Variants in IL1RAPL1 observed in about 807,000 individuals in gnomAD.
IL1RAPL1 encodes the protein interleukin-1 receptor accessory protein-like 1.
A neutral mutation model predicts 48.4 loss-of-function variants in IL1RAPL1; 3 were observed. The ratio of observed to expected loss-of-function variants is 0.06; its 90% CI spans 0.03 to 0.16. The LOEUF (loss-of-function observed/expected upper bound fraction) is 0.16, where lower values mean the gene tolerates loss of function less well. Among genes scored for constraint, IL1RAPL1 ranks in the 10% least tolerant of loss-of-function variants. IL1RAPL1 has a pLI of 1.00. For missense variants in IL1RAPL1, 349 were observed against 530.6 expected, an observed-to-expected ratio of 0.66 and a Z score of 3.36; for synonymous variants, 185 against 187.7, an observed-to-expected ratio of 0.99 and a Z score of 0.12.
chrX:28,765,937 A>G (rs1028673205), intron 1 of IL1RAPL1, among the ~76,000 whole-genome samples: 2 of 111,853 alleles, frequency 1.8e-5, no homozygotes, highest in Admixed American at 9.6e-5. Flanking sequence ...CATGTAGGCA[A>G]AACTTTCCCC....
intron 1 of IL1RAPL1, among the ~76,000 whole-genome samples, chrX:28,742,344 A>G (rs1704890653): frequency 8.9e-6 from 1 of 111,802 alleles, no homozygotes; most frequent in South Asian, 3.7e-4. Context: ...TAAGGAGACA[A>G]TATATCTGCA....
At chrX:29,407,535 T>G (rs751495705) in intron 5 of IL1RAPL1, among the ~76,000 whole-genome samples, 13 of 112,083 alleles carry the variant, frequency 1.2e-4, no homozygotes, top group Non-Finnish European at 1.7e-4. Flanking sequence ...CATTAGGGCT[T>G]GTTGTAATTT....
chrX:29,251,202 C>T (rs756433443), intron 2 of IL1RAPL1, among the ~76,000 whole-genome samples: 2 of 113,988 alleles, frequency 1.8e-5, no homozygotes, highest in South Asian at 3.4e-4. Context: ...TATAATAGTA[C>T]GTCAGTGTAT....
At chrX:29,478,331 T>C (rs746765158) in intron 5 of IL1RAPL1, among the ~76,000 whole-genome samples, 76 of 112,042 alleles carry the variant, frequency 6.8e-4, no homozygotes, top group Middle Eastern at 4.6e-3. Flanking sequence ...CGTGAACCCA[T>C]GAGCAAATCC....
intron 2 of IL1RAPL1, among the ~76,000 whole-genome samples, chrX:29,167,002 C>T (rs193093160): frequency 4.2e-3 from 467 of 112,034 alleles, no homozygotes; most frequent in African/African-American, 0.014. Flanking sequence ...CACCTAACAC[C>T]GTGCAGTCCT....
intron 2 of IL1RAPL1, among the ~76,000 whole-genome samples, chrX:29,172,664 T>C (rs1929932294): frequency 8.9e-6 from 1 of 111,824 alleles, no homozygotes; most frequent in Non-Finnish European, 1.9e-5. Context: ...TTTAATACCA[T>C]ACATTAGTGT....
intron 5 of IL1RAPL1, among the ~76,000 whole-genome samples, chrX:29,614,780 A>T (rs1011767699): frequency 1.3e-4 from 15 of 111,906 alleles, no homozygotes; most frequent in African/African-American, 4.2e-4. Context: ...AAAAAACAAA[A>T]TACAGTATGT....
intron 6 of IL1RAPL1, among the ~76,000 whole-genome samples, chrX:29,673,317 T>G (rs1860310226): frequency 8.9e-6 from 1 of 111,973 alleles, no homozygotes; most frequent in Non-Finnish European, 1.9e-5. Flanking sequence ...CATGTAATAC[T>G]GTTGAGTCTA....
rs149495009 is a variant in IL1RAPL1, at chrX:29,911,644, A to G, written c.779-5820A>G. On this transcript the variant is annotated intron_variant, in intron 6 of 10. Transcript: ENST00000378993. ...CAATGGAGGTGCATATCAGAACTTT[A>G]CTCACTCATCAGTGATGTAAATGAG... Among the ~76,000 whole-genome samples the G allele has an allele frequency of 4.0e-3, 444 of 112,272 alleles. 2 individuals are homozygous for G. Among genetic ancestry groups the G allele is most frequent in the African/African-American group, 0.012 (378 of 30,955 alleles).
chrX:28,773,928 G>A (rs955184943), intron 1 of IL1RAPL1, among the ~76,000 whole-genome samples: 7 of 111,907 alleles, frequency 6.3e-5, no homozygotes, highest in African/African-American at 1.9e-4. Context: ...AAATGTCCAC[G>A]TTAAAGTTAC....
At chrX:28,961,294 C>T (rs1261207389) in intron 2 of IL1RAPL1, among the ~76,000 whole-genome samples, 2 of 110,759 alleles carry the variant, frequency 1.8e-5, no homozygotes, top group Admixed American at 9.7e-5. Flanking sequence ...CTGTAAATGA[C>T]GTTTGGGGAG....
intron 2 of IL1RAPL1, among the ~76,000 whole-genome samples, chrX:28,848,257 C>G (rs1381119323): frequency 2.7e-5 from 3 of 111,077 alleles, no homozygotes; most frequent in Admixed American, 9.6e-5. Flanking sequence ...ATGCAGCAAG[C>G]CACCATGGCA....
At chrX:29,550,559 C>T (rs1921780643) in intron 5 of IL1RAPL1, among the ~76,000 whole-genome samples, 1 of 111,620 alleles carries the variant, frequency 9.0e-6, no homozygotes, top group African/African-American at 3.3e-5. Context: ...GAATCATATT[C>T]CCAATTAAAA....
At chrX:29,905,670 AG>A (rs1479307767) in intron 6 of IL1RAPL1, among the ~76,000 whole-genome samples, 1 of 111,305 alleles carries the variant, frequency 9.0e-6, no homozygotes, top group Non-Finnish European at 1.9e-5. Flanking sequence ...TTTGAAAAAA[AG>A]GGGGATAAGG....
Position 28,818,946 on chromosome X carries a change from T to C in IL1RAPL1, c.82+29521T>C, listed in dbSNP as rs1339165159. Among the ~76,000 whole-genome samples, 3 of 110,876 alleles carry C rather than the reference T, an allele frequency of 2.7e-5. No homozygotes were observed. In the Admixed American group the frequency reaches 2.9e-4, roughly 11 times the overall value. The stretch of plus-strand genomic sequence containing the variant: ...GTACATAGTTCCTGTGTTATTCATA[T>C]TGGGGATCAGTAAAAGTATTTTAAA... On this transcript the variant is annotated intron_variant, in intron 2 of 10. Transcript: ENST00000378993.
chrX:29,881,301 G>A (rs1484069897), intron 6 of IL1RAPL1, among the ~76,000 whole-genome samples: 1 of 111,288 alleles, frequency 9.0e-6, no homozygotes, highest in Non-Finnish European at 1.9e-5. Flanking sequence ...TTTTAAAAGT[G>A]GAGGATGTGT....
At chrX:29,713,455 T>C (rs753628061) in intron 6 of IL1RAPL1, among the ~76,000 whole-genome samples, 11 of 111,818 alleles carry the variant, frequency 9.8e-5, no homozygotes, top group Non-Finnish European at 1.9e-4. Flanking sequence ...AATGAAGTTG[T>C]GCTTCAAGAG....
intron 2 of IL1RAPL1, among the ~76,000 whole-genome samples, chrX:29,057,054 C>T (rs1927231077): frequency 8.9e-6 from 1 of 111,897 alleles, no homozygotes; most frequent in African/African-American, 3.2e-5. Flanking sequence ...TTTCTATCCT[C>T]GCAGCGGTGT....
chrX:29,581,024 A>G, intron 5 of IL1RAPL1, among the ~76,000 whole-genome samples: 2 of 111,998 alleles, frequency 1.8e-5, no homozygotes. Context: ...AGGTTAAATG[A>G]GATGGTTCTT....
Sources: allele counts gnomAD v4.1 joint callset (sites outside exome capture counted in the v4.1 genomes callset), GRCh38; gene constraint gnomAD v4.1.1; transcripts MANE v1.5; gene names NCBI Gene and HGNC (gene_info 2026-07-23, HGNC 2026-07-21).